GPATCH8: variants seen among roughly 807,000 people sequenced by gnomAD.
The protein encoded by GPATCH8 is G patch domain-containing protein 8.
In GPATCH8, 18 loss-of-function variants were observed where a neutral mutation model predicts 118.3. That is an observed-to-expected ratio of 0.15 (90% confidence interval 0.11 to 0.23). The LOEUF (loss-of-function observed/expected upper bound fraction) is 0.23. GPATCH8 is among the 10% of genes least tolerant of loss of function. The probability of loss-of-function intolerance (pLI) is 1.00; values close to 1 mark genes in which losing one functional copy is unlikely to be tolerated. For synonymous variants in GPATCH8, 659 were observed against 684.7 expected, an observed-to-expected ratio of 0.96 and a Z score of 0.59; for missense variants, 1,631 against 1,873.8, an observed-to-expected ratio of 0.87 and a Z score of 2.39.
chr17:44,433,289 C>T (rs763525820), intron 5 of GPATCH8, among the ~76,000 whole-genome samples: 18 of 152,088 alleles, frequency 1.2e-4, no homozygotes, highest in South Asian at 4.1e-4. Flanking sequence ...TCAGACAGTA[C>T]ATAAAATGAA....
chr17:44,428,394 G>A (rs540664771), intron 5 of GPATCH8, among the ~76,000 whole-genome samples: 1 of 152,138 alleles, frequency 6.6e-6, no homozygotes, highest in African/African-American at 2.4e-5. Flanking sequence ...TTGGGAGGCT[G>A]AGGCACGAGA....
intron 1 of GPATCH8, among the ~76,000 whole-genome samples, chr17:44,502,706 T>TA (rs1970177752): frequency 6.6e-6 from 1 of 152,160 alleles, no homozygotes; most frequent in African/African-American, 2.4e-5. Flanking sequence ...TCCAGTAACT[T>TA]ACTGCTTTCC....
In GPATCH8 at chr17:44,494,118, C is replaced by T. The variant is rs186697606; in HGVS notation, c.45+9208G>A. ...ACCCTATTTCAAACATTGTGTTCTA[C>T]GACCACCACCTTCTACCTTTCTAGC... On this transcript the variant is annotated intron_variant, in intron 1 of 7. Transcript: ENST00000591680. 2.2e-3 allele frequency among the ~76,000 whole-genome samples: 342 copies of T among 152,218 alleles called. 2 individuals carry two copies. The highest frequency in any genetic ancestry group is 7.8e-3 in the African/African-American group (324 of 41,540).
Position 44,400,934 on chromosome 17 carries a change from T to A in GPATCH8, c.1143A>T (p.Lys381Asn). ...ASTLSKLKRM[K>N]REEGAGATEP... ...CTGTAGCCCCAGCTCCTTCTTCTCG[T>A]TTCATCCTTTTTAATTTGGATAATG... The change falls in exon 8 of 8, where the codon AAA (lysine) becomes AAT (asparagine). Residue 381 changes from lysine to asparagine, a missense_variant. By Grantham distance (94) the Lys-to-Asn change is moderately conservative. Coordinates refer to ENST00000591680, the MANE Select transcript of GPATCH8 (RefSeq NM_001002909.4). The A allele has an allele frequency of 6.2e-7, 1 of 1,614,088 alleles. No homozygotes were observed. The highest frequency in any genetic ancestry group is 8.5e-7 in the Non-Finnish European group (1 of 1,180,004).
intron 1 of GPATCH8, among the ~76,000 whole-genome samples, chr17:44,480,068 T>C (rs1174489026): frequency 6.6e-6 from 1 of 151,702 alleles, no homozygotes; most frequent in Admixed American, 6.6e-5. Flanking sequence ...AACAAATCCA[T>C]ACCTGATTAA....
At chr17:44,450,866 T>G (rs1225715277) in intron 3 of GPATCH8, among the ~76,000 whole-genome samples, 2 of 152,136 alleles carry the variant, frequency 1.3e-5, no homozygotes, top group African/African-American at 4.8e-5. Context: ...TAGAAAATAG[T>G]TGGTTGCTTC....
At chr17:44,442,314 ATG>A (rs1381065193) in intron 3 of GPATCH8, among the ~76,000 whole-genome samples, 1 of 151,878 alleles carries the variant, frequency 6.6e-6, no homozygotes, top group East Asian at 1.9e-4. Context: ...TCAGCTGAGA[ATG>A]AGAGAAAACA....
intron 6 of GPATCH8, among the ~76,000 whole-genome samples, chr17:44,415,561 T>C (rs890716908): frequency 4.6e-5 from 7 of 152,206 alleles, no homozygotes; most frequent in Admixed American, 3.9e-4. Context: ...TCCAAGAAGA[T>C]ATCTGGGGAC....
chr17:44,436,500 CCCATGA>C lies in GPATCH8; in HGVS notation c.233_238del (p.Val78_Met79del). 1 of 1,476,724 alleles carries C rather than the reference CCCATGA, an allele frequency of 6.8e-7. No individual in the cohort carries two copies. Among genetic ancestry groups the C allele is most frequent in the Non-Finnish European group, 9.5e-7 (1 of 1,054,480 alleles). The allele number at this position is 1,476,724 out of a possible 1,614,324, so 91.5% of individuals were successfully genotyped here. On this transcript the variant is annotated inframe_deletion, in exon 4 of 8. Coordinates refer to ENST00000591680, the MANE Select transcript of GPATCH8 (RefSeq NM_001002909.4). ...TACCTCCATTTCCATGCGACCCATG[CCCATGA>C]CATCATACTTGACAACGATTGGAAT... is the stretch of plus-strand genomic sequence containing the variant.
chr17:44,422,393 T>C (rs1210431753), intron 6 of GPATCH8, among the ~76,000 whole-genome samples: 3 of 152,126 alleles, frequency 2.0e-5, no homozygotes, highest in African/African-American at 4.8e-5. Flanking sequence ...GTCTTGTACA[T>C]TGCTCAGGGT....
chr17:44,450,124 CAG>C (rs1375695540), intron 3 of GPATCH8, among the ~76,000 whole-genome samples: 4 of 152,154 alleles, frequency 2.6e-5, no homozygotes, highest in African/African-American at 9.7e-5. Flanking sequence ...TTACTAGTTG[CAG>C]AGTTAGAATT....
chr17:44,420,378 T>A (rs935960278), intron 6 of GPATCH8, among the ~76,000 whole-genome samples: 3 of 152,224 alleles, frequency 2.0e-5, no homozygotes, highest in African/African-American at 7.2e-5. Context: ...CGAAAGTTTT[T>A]AATTAATTCT....
intron 1 of GPATCH8, among the ~76,000 whole-genome samples, chr17:44,489,040 C>A (rs1969020548): frequency 6.6e-6 from 1 of 151,658 alleles, no homozygotes. Flanking sequence ...GTCTGAGGGA[C>A]AGAGTGAGAC....
At chr17:44,414,923 A>G (rs1164383843) in intron 6 of GPATCH8, among the ~76,000 whole-genome samples, 1 of 152,140 alleles carries the variant, frequency 6.6e-6, no homozygotes, top group Non-Finnish European at 1.5e-5. Flanking sequence ...CTTCCTTTTT[A>G]TTGCTGAATA....
chr17:44,399,302 C>G lies in GPATCH8; in HGVS notation c.2775G>C (p.Arg925=). 6.2e-7 allele frequency: 1 copy of G among 1,613,920 alleles called. No homozygotes were observed. The highest frequency in any genetic ancestry group is 8.5e-7 in the Non-Finnish European group (1 of 1,179,824). ...CATCATCAGAAGATGAATATTTGTG[C>G]CGTTTTGATCGGTGTTTGGAGCTGG... ...DYASSKHRSK[R]HKYSSSDDDY... The change falls in exon 8 of 8, where the codon CGG becomes CGC. Residue 925 remains arginine (R), a synonymous_variant. Coordinates refer to ENST00000591680, the MANE Select transcript of GPATCH8 (RefSeq NM_001002909.4).
chr17:44,425,906 G>T (rs1243485443), intron 5 of GPATCH8, among the ~76,000 whole-genome samples: 1 of 151,888 alleles, frequency 6.6e-6, no homozygotes, highest in African/African-American at 2.4e-5. Flanking sequence ...TTCTTCTTGG[G>T]TATCATAAAA....
intron 5 of GPATCH8, among the ~76,000 whole-genome samples, chr17:44,424,727 C>T (rs575274209): frequency 2.0e-5 from 3 of 152,280 alleles, no homozygotes; most frequent in African/African-American, 7.2e-5. Context: ...GGATGCTCAA[C>T]TGATAAGTAT....
At chr17:44,500,529 A>T (rs1350985761) in intron 1 of GPATCH8, among the ~76,000 whole-genome samples, 1 of 152,252 alleles carries the variant, frequency 6.6e-6, no homozygotes, top group Non-Finnish European at 1.5e-5. Context: ...AACTTTAGGT[A>T]TTCACAAATT....
intron 7 of GPATCH8, among the ~76,000 whole-genome samples, chr17:44,402,034 A>G (rs2049044393): frequency 6.7e-6 from 1 of 149,812 alleles, no homozygotes; most frequent in Non-Finnish European, 1.5e-5. Context: ...TAAAAAATAA[A>G]GTACAGGCCG....
Sources: gnomAD v4.1 joint callset for allele counts (sites outside exome capture counted in the v4.1 genomes callset) on GRCh38, gnomAD v4.1.1 for gene constraint, MANE v1.5 for transcripts, NCBI Gene and HGNC (gene_info 2026-07-23, HGNC 2026-07-21) for gene names.